The following PHACTR2 variants were observed in gnomAD, a reference collection of about 807,000 sequenced individuals.
PHACTR2 encodes the protein chromosome 6 open reading frame 56.
In PHACTR2, 30 loss-of-function variants were observed where a neutral mutation model predicts 76.0. The ratio of observed to expected loss-of-function variants is 0.39; its 90% CI spans 0.30 to 0.54. The LOEUF is 0.54. Ranked by LOEUF, PHACTR2 falls within the 20% of genes least tolerant of loss-of-function variation. The probability of loss-of-function intolerance (pLI) is 0.61; values close to 1 mark genes in which losing one functional copy is unlikely to be tolerated. For synonymous variants in PHACTR2, 292 were observed against 292.5 expected, an observed-to-expected ratio of 1.00 and a Z score of 0.02; for missense variants, 696 against 781.1, an observed-to-expected ratio of 0.89 and a Z score of 1.30.
chr6:143,736,617 C>G (rs1270947385), intron 2 of PHACTR2, among the ~76,000 whole-genome samples: 1 of 115,922 alleles, frequency 8.6e-6, no homozygotes, highest in African/African-American at 3.3e-5. Flanking sequence ...CTCTGTCACC[C>G]AGGCTGGAGT....
chr6:143,684,094 C>A lies in PHACTR2; in HGVS notation c.46+5885C>A, dbSNP rs1201545274. On this transcript the variant is annotated intron_variant, in intron 1 of 12. Transcript: ENST00000440869. The surrounding 1 kb of genome is among the most constrained non-coding windows in gnomAD (Gnocchi z 4.3). ...TTTAATATTGTTCCTGGGTTCTTTG[C>A]ATATGTATATGCTCTTATGAACAAT... 6.6e-6 allele frequency among the ~76,000 whole-genome samples: 1 copy of A among 152,118 alleles called. No homozygotes were observed. The highest frequency in any genetic ancestry group is 1.5e-5 in the Non-Finnish European group (1 of 68,034).
intron 11 of PHACTR2, among the ~76,000 whole-genome samples, chr6:143,798,435 G>A (rs1281360021): frequency 1.3e-5 from 2 of 152,164 alleles, no homozygotes; most frequent in African/African-American, 2.4e-5. Flanking sequence ...CCAACATTAT[G>A]TTGAATAGGA....
In PHACTR2 at chr6:143,772,314, T is replaced by C. The variant is rs756779827; in HGVS notation, c.1289T>C (p.Leu430Pro). The C allele has an allele frequency of 6.8e-6, 11 of 1,614,112 alleles. No homozygotes were observed. In the South Asian group the frequency reaches 1.2e-4, roughly 18 times the overall value. ...GTGCCTCAGCTACTGACTCCTGGGC[T>C]GATGGGCGAATCTTCAGAATCCTTT... Reference protein sequence around the residue: ...KTVPQLLTPGLMGESSESFSA... With the variant: ...KTVPQLLTPGPMGESSESFSA... The change falls in exon 7 of 13, where the codon CTG (leucine) becomes CCG (proline). Residue 430 changes from leucine to proline, a missense_variant. Physicochemically the swap from Leu to Pro is moderately conservative, Grantham distance 98. Around this residue, in one of 2 missense-constraint regions of PHACTR2, gnomAD observed 236 missense variants for 330.2 expected, o/e 0.71. Coordinates refer to ENST00000440869, the MANE Select transcript of PHACTR2 (RefSeq NM_001100164.2). The surrounding 1 kb of genome is among the most constrained non-coding windows in gnomAD (Gnocchi z 5.4).
chr6:143,693,631 A>G (rs892041409), intron 1 of PHACTR2, among the ~76,000 whole-genome samples: 1 of 152,212 alleles, frequency 6.6e-6, no homozygotes, highest in African/African-American at 2.4e-5. Flanking sequence ...GCAATGTCCC[A>G]AAGCACACTG....
intron 2 of PHACTR2, among the ~76,000 whole-genome samples, chr6:143,725,115 A>G (rs1223397258): frequency 6.6e-6 from 1 of 150,920 alleles, no homozygotes; most frequent in South Asian, 2.1e-4. Flanking sequence ...TAAGAATTTT[A>G]ATATACGTAT....
intron 1 of PHACTR2, among the ~76,000 whole-genome samples, chr6:143,563,904 T>G (rs914617545): frequency 1.1e-4 from 16 of 151,380 alleles, no homozygotes; most frequent in Non-Finnish European, 2.4e-4. Context: ...TTTGGGAGGT[T>G]GAGGTGGGAG....
intron 11 of PHACTR2, among the ~76,000 whole-genome samples, chr6:143,805,341 C>T (rs1382785214): frequency 1.3e-5 from 2 of 151,792 alleles, no homozygotes; most frequent in South Asian, 2.1e-4. Flanking sequence ...TAGCCAGGCA[C>T]GGTGGTGCAT....
At chr6:143,677,467 C>G (rs1777270580), upstream of PHACTR2, among the ~76,000 whole-genome samples, 1 of 151,982 alleles carries the variant, frequency 6.6e-6, no homozygotes, top group Non-Finnish European at 1.5e-5. Flanking sequence ...AGGTGGGAGA[C>G]AGCAAAAAGT....
chr6:143,543,187 G>A lies in PHACTR2; in HGVS notation c.217+5980G>A, dbSNP rs2128426523. ...ATGACTGTTCTTGTTTTCAGAGGAT[G>A]CATGAAGAGCTAATTTACTTAAACT... On this transcript the variant is annotated intron_variant, in intron 1 of 11. Coordinates refer to the PHACTR2 transcript ENST00000367584. The surrounding 1 kb of genome is among the most constrained non-coding windows in gnomAD (Gnocchi z 4.7). Among the ~76,000 whole-genome samples the A allele has an allele frequency of 6.6e-6, 1 of 152,342 alleles. No individual in the cohort carries two copies. The highest frequency in any genetic ancestry group is 6.5e-5 in the Admixed American group (1 of 15,312).
chr6:143,770,505 T>C (rs573097285), intron 6 of PHACTR2, among the ~76,000 whole-genome samples: 1 of 152,372 alleles, frequency 6.6e-6, no homozygotes, highest in East Asian at 1.9e-4. Context: ...GCAAATTTTA[T>C]GTTATGTATA....
chr6:143,771,158 G>GTATATATATATATGTGTATATA (rs1775100314), intron 6 of PHACTR2, among the ~76,000 whole-genome samples: 31 of 14,574 alleles, frequency 2.1e-3, no homozygotes, highest in African/African-American at 4.4e-3. Context: ...ATATATATAT[G>GTATATATATATATGTGTATATA]TATATATATA....
At position 143,740,508 on chromosome 6, in the gene PHACTR2, T is replaced by TGTAAA. The variant is rs112665368; in HGVS notation, c.215-8477_215-8476insGTAAA. Among the ~76,000 whole-genome samples, 485 of 128,688 alleles carry TGTAAA rather than the reference T, an allele frequency of 3.8e-3. 8 individuals are homozygous for TGTAAA. The highest frequency in any genetic ancestry group is 4.3e-3 in the Non-Finnish European group (270 of 62,724). The allele number at this position is 128,688 out of a possible 152,430, so 84.4% of individuals were successfully genotyped here. A position where few individuals can be genotyped will look rare whatever the true frequency, so the allele number is the denominator to read the frequency against. On this transcript the variant is annotated intron_variant, in intron 2 of 12. Transcript: ENST00000440869. ...AACTATTACAAAACATCCTTTTAAT[T>TGTAAA]AAAAAAAAAAAAAAAGGAAAAAATA...
In PHACTR2 at chr6:143,776,222, C is replaced by G. The variant is rs896484562; in HGVS notation, c.1590-1106C>G. Among the ~76,000 whole-genome samples the G allele has an allele frequency of 5.9e-5, 9 of 152,230 alleles. No individual in the cohort carries two copies. The East Asian group carries it at 1.7e-3, about 29-fold the overall frequency. ...TTAAAAACAGAAGCAAAGAAAAATT[C>G]CTTAACCTTACTGTGCTAAAAGTCT... is the stretch of plus-strand genomic sequence containing the variant. On this transcript the variant is annotated intron_variant, in intron 8 of 12. Transcript: ENST00000440869. This position sits in a 1 kb window ranked among gnomAD's most constrained non-coding sequence, Gnocchi z 5.3.
upstream of PHACTR2, among the ~76,000 whole-genome samples, chr6:143,603,276 GT>G (rs1206625682): frequency 6.6e-6 from 1 of 152,050 alleles, no homozygotes; most frequent in African/African-American, 2.4e-5. Flanking sequence ...GGTAAGGCAG[GT>G]TTTATTTGGG....
rs1775490922 is a variant in PHACTR2, at chr6:143,783,961, C to T, written c.1707+681C>T. ...CTTGAGCCCAGGAGGTCAAGACCAGCCTGGACAACATAGTGAGACCTTGTT... is the reference window on the plus strand; with the variant it reads ...CTTGAGCCCAGGAGGTCAAGACCAGTCTGGACAACATAGTGAGACCTTGTT... On this transcript the variant is annotated intron_variant, in intron 10 of 12. Transcript: ENST00000440869. This position sits in a 1 kb window ranked among gnomAD's most constrained non-coding sequence, Gnocchi z 5.2. Among the ~76,000 whole-genome samples the T allele has an allele frequency of 1.3e-5, 2 of 150,676 alleles. No homozygotes were observed. Among genetic ancestry groups the T allele is most frequent in the African/African-American group, 4.9e-5 (2 of 40,806 alleles).
intron 1 of PHACTR2, among the ~76,000 whole-genome samples, chr6:143,681,978 T>C (rs557187444): frequency 6.6e-6 from 1 of 152,386 alleles, no homozygotes; most frequent in African/African-American, 2.4e-5. Flanking sequence ...TGTAGCTTTG[T>C]AGTAAATTTT....
At position 143,570,573 on chromosome 6, in the gene PHACTR2, C is replaced by T. The variant is rs1483582598; in HGVS notation, c.217+33366C>T. ...TTTCAGTTCAGCTCCCAGAGCTGGTCCTGATGAGGTGACTGGCAACTCACC... is the reference window on the plus strand; with the variant it reads ...TTTCAGTTCAGCTCCCAGAGCTGGTTCTGATGAGGTGACTGGCAACTCACC... On this transcript the variant is annotated intron_variant, in intron 1 of 11. Transcript: ENST00000367584. The surrounding 1 kb of genome is among the most constrained non-coding windows in gnomAD (Gnocchi z 4.6). Among the ~76,000 whole-genome samples the T allele has an allele frequency of 6.6e-6, 1 of 152,136 alleles. No individual in the cohort carries two copies. Among genetic ancestry groups the T allele is most frequent in the East Asian group, 1.9e-4 (1 of 5,198 alleles).
At position 143,789,644 on chromosome 6, in the gene PHACTR2, A is replaced by T. The variant is rs1775631992; in HGVS notation, c.1845+734A>T. On this transcript the variant is annotated intron_variant, in intron 11 of 12. Transcript: ENST00000440869. The surrounding 1 kb of genome is among the most constrained non-coding windows in gnomAD (Gnocchi z 5.1). Reference sequence around the variant, plus strand: ...TTTTTATCTCTTAGCAAAATCTGGTATTGAATAAACTCGTGCTATACCCAG... The same window carrying T: ...TTTTTATCTCTTAGCAAAATCTGGTTTTGAATAAACTCGTGCTATACCCAG... 6.6e-6 allele frequency among the ~76,000 whole-genome samples: 1 copy of T among 152,228 alleles called. No homozygotes were observed. Among genetic ancestry groups the T allele is most frequent in the Admixed American group, 6.5e-5 (1 of 15,286 alleles).
chr6:143,635,316 ATGTGTGTGTGTGTGTGTGTGTGTG>A (rs71834478), intron 1 of PHACTR2, among the ~76,000 whole-genome samples: 1 of 149,812 alleles, frequency 6.7e-6, no homozygotes, highest in Non-Finnish European at 1.5e-5. Flanking sequence ...AGCATTTAGG[ATGTGTGTGTGTGTGTGTGTGTGTG>A]TGTGTGTGTG....
Sources: allele counts gnomAD v4.1 joint callset (sites outside exome capture counted in the v4.1 genomes callset), GRCh38; gene constraint gnomAD v4.1.1; regional missense constraint gnomAD v4.1.1; non-coding constraint Gnocchi (gnomAD v3.1); transcripts MANE v1.5; gene names NCBI Gene and HGNC (gene_info 2026-07-23, HGNC 2026-07-21).